The following WDFY3 variants were observed in gnomAD, a reference collection of about 807,000 sequenced individuals.
WDFY3 encodes the protein WD repeat and FYVE domain-containing protein 3.
In WDFY3, 66 loss-of-function variants were observed where a neutral mutation model predicts 409.6. That is an observed-to-expected ratio of 0.16 (90% CI 0.13 to 0.20). The LOEUF (loss-of-function observed/expected upper bound fraction) is 0.20, where lower values mean the gene tolerates loss of function less well. Among genes scored for constraint, WDFY3 ranks in the 10% least tolerant of loss-of-function variants. WDFY3 has a pLI of 1.00. For missense variants in WDFY3, 3,031 were observed against 4,298.1 expected, an observed-to-expected ratio of 0.71 and a Z score of 8.24; for synonymous variants, 1,521 against 1,537.1, an observed-to-expected ratio of 0.99 and a Z score of 0.25.
At chr4:84,695,152 C>T (rs969396844) in intron 58 of WDFY3, among the ~76,000 whole-genome samples, 6 of 151,968 alleles carry the variant, frequency 3.9e-5, no homozygotes, top group Non-Finnish European at 7.4e-5. Context: ...TGCCATACCT[C>T]GGACAATGGG....
At chr4:84,748,983 C>T (rs913847182) in intron 36 of WDFY3, among the ~76,000 whole-genome samples, 2 of 151,908 alleles carry the variant, frequency 1.3e-5, no homozygotes, top group African/African-American at 4.8e-5. Flanking sequence ...CTTTGAACAC[C>T]TGGGCTCAAG....
At chr4:84,931,139 G>C (rs535901422) in intron 2 of WDFY3, among the ~76,000 whole-genome samples, 1 of 152,218 alleles carries the variant, frequency 6.6e-6, no homozygotes, top group South Asian at 2.1e-4. Flanking sequence ...CTTCCACTGG[G>C]GGTCTTGGAA....
In WDFY3 at chr4:84,690,358, A is replaced by G. The variant is rs1190276479; in HGVS notation, c.9363+148T>C. 9 of 1,164,148 alleles carry G rather than the reference A, an allele frequency of 7.7e-6. No individual in the cohort carries two copies. The Admixed American group carries it at 2.6e-4, about 34-fold the overall frequency. The allele number at this position is 1,164,148 out of a possible 1,614,324, so 72.1% of individuals were successfully genotyped here. On this transcript the variant is annotated intron_variant, in intron 61 of 67. Coordinates refer to ENST00000295888, the MANE Select transcript of WDFY3 (RefSeq NM_014991.6). ...TATTCTGATTTCCTTTTTTTTTCAAAAAAGTATTTCTAGCAACAGAACGTC... is the reference window on the plus strand; with the variant it reads ...TATTCTGATTTCCTTTTTTTTTCAAGAAAGTATTTCTAGCAACAGAACGTC...
At chr4:84,876,117 G>A (rs759558314) in intron 3 of WDFY3, among the ~76,000 whole-genome samples, 1 of 152,210 alleles carries the variant, frequency 6.6e-6, no homozygotes, top group Non-Finnish European at 1.5e-5. Flanking sequence ...TAGAAGGCTT[G>A]TTTACACCAG....
At position 84,821,099 on chromosome 4, in the gene WDFY3, C is replaced by T. The variant is rs1753992272; in HGVS notation, c.1576G>A (p.Ala526Thr). The T allele has an allele frequency of 6.2e-7, 1 of 1,608,422 alleles. No homozygotes were observed. The highest frequency in any genetic ancestry group is 8.5e-7 in the Non-Finnish European group (1 of 1,177,804). ...AATACTTTACCTTGTTCATTTAGTG[C>T]CTGAGTTGGATCCTTCAACAGGGCA... ...YAALLKDPTQALNEQGDSRNN... is the reference protein window; with the variant it reads ...YAALLKDPTQTLNEQGDSRNN... The change falls in exon 11 of 68, where the codon GCA (alanine) becomes ACA (threonine). Residue 526 changes from alanine (A) to threonine (T), a missense_variant. Around this residue, in one of 16 missense-constraint regions of WDFY3, gnomAD observed 1,322 missense variants for 1,697.9 expected, o/e 0.78. Transcript: ENST00000295888.
In WDFY3 at chr4:84,671,118, C is replaced by T. The variant is rs1024239208; in HGVS notation, c.*1750G>A. 2 of 152,498 alleles carry T rather than the reference C, an allele frequency of 1.3e-5. No homozygotes were observed. Among genetic ancestry groups the T allele is most frequent in the Non-Finnish European group, 2.9e-5 (2 of 68,008 alleles). The allele number at this position is 152,498 out of a possible 1,614,324, so 9.4% of individuals were successfully genotyped here. A position where few individuals can be genotyped will look rare whatever the true frequency, so the allele number is the denominator to read the frequency against. On this transcript the variant is annotated 3_prime_UTR_variant, in exon 68 of 68. Transcript: ENST00000295888. ...CAGCCTTTCTATTTTCTCTTGGAGACCTAGTTATCATATCAGGAAGAACAA... is the reference window on the plus strand; with the variant it reads ...CAGCCTTTCTATTTTCTCTTGGAGATCTAGTTATCATATCAGGAAGAACAA...
chr4:84,889,200 T>A (rs927600786), intron 3 of WDFY3, among the ~76,000 whole-genome samples: 3 of 152,170 alleles, frequency 2.0e-5, no homozygotes, highest in Non-Finnish European at 1.5e-5. Flanking sequence ...TAAGAGCAAA[T>A]TTTTATTCCC....
chr4:84,723,025 C>T, intron 46 of WDFY3, among the ~76,000 whole-genome samples: 1 of 152,170 alleles, frequency 6.6e-6, no homozygotes, highest in East Asian at 1.9e-4. Context: ...GCGCTTTTAG[C>T]TCAATTAGAG....
At chr4:84,719,742 A>G (rs1433167034) in intron 47 of WDFY3, among the ~76,000 whole-genome samples, 1 of 152,176 alleles carries the variant, frequency 6.6e-6, no homozygotes, top group African/African-American at 2.4e-5. Context: ...TGGCTGGATG[A>G]ATTTTCAAAT....
chr4:84,819,649 C>A (rs1338882319), intron 12 of WDFY3, among the ~76,000 whole-genome samples: 1 of 151,938 alleles, frequency 6.6e-6, no homozygotes, highest in Non-Finnish European at 1.5e-5. Flanking sequence ...AGTTAATTAA[C>A]CTTGGAGAGA....
intron 3 of WDFY3, among the ~76,000 whole-genome samples, chr4:84,872,779 AGAT>A (rs1310013811): frequency 6.6e-6 from 1 of 152,206 alleles, no homozygotes; most frequent in Non-Finnish European, 1.5e-5. Flanking sequence ...AAAGGTAAAG[AGAT>A]GGAGAGAAAT....
intron 3 of WDFY3, among the ~76,000 whole-genome samples, chr4:84,875,847 T>C (rs1345510647): frequency 4.6e-5 from 7 of 152,182 alleles, no homozygotes; most frequent in Non-Finnish European, 7.3e-5. Context: ...TCAGGGACGA[T>C]AACCCATATG....
At chr4:84,707,070 C>T (rs2148971617) in intron 53 of WDFY3, among the ~76,000 whole-genome samples, 1 of 151,848 alleles carries the variant, frequency 6.6e-6, no homozygotes, top group East Asian at 1.9e-4. Context: ...TCCTGAGTGG[C>T]TGGGACTACA....
intron 36 of WDFY3, among the ~76,000 whole-genome samples, chr4:84,748,175 G>A (rs1432793396): frequency 6.6e-6 from 1 of 152,162 alleles, no homozygotes; most frequent in Non-Finnish European, 1.5e-5. Context: ...ATAAACAGGA[G>A]CTAGGAGAAG....
At chr4:84,677,982 A>G (rs965785397) in intron 66 of WDFY3, among the ~76,000 whole-genome samples, 186 bp downstream of exon 66, 9 of 151,470 alleles carry the variant, frequency 5.9e-5, no homozygotes, top group South Asian at 4.2e-4. Context: ...AAAAAAAAAA[A>G]AAAAAGAAAA....
At chr4:84,919,654 T>C (rs1579126879) in intron 2 of WDFY3, among the ~76,000 whole-genome samples, 2 of 152,308 alleles carry the variant, frequency 1.3e-5, no homozygotes, top group East Asian at 1.9e-4. Context: ...AATGGTTTTA[T>C]AAGGGACTTT....
chr4:84,784,885 T>C (rs1370184924), intron 24 of WDFY3, among the ~76,000 whole-genome samples: 20 of 96,068 alleles, frequency 2.1e-4, no homozygotes, highest in South Asian at 7.5e-4. Flanking sequence ...TATATATATA[T>C]ATATATACAC....
intron 42 of WDFY3, among the ~76,000 whole-genome samples, chr4:84,735,714 C>G (rs1737329192): frequency 6.6e-6 from 1 of 152,198 alleles, no homozygotes; most frequent in African/African-American, 2.4e-5. Context: ...AGATCCTTTT[C>G]ATAGCTGCCA....
At chr4:84,922,333 GGAAAA>G (rs1317573401) in intron 2 of WDFY3, among the ~76,000 whole-genome samples, 3 of 152,092 alleles carry the variant, frequency 2.0e-5, no homozygotes, top group Non-Finnish European at 4.4e-5. Context: ...GTTTACAGAA[GGAAAA>G]GAAAACAAAC....
Sources: allele counts gnomAD v4.1 joint callset (sites outside exome capture counted in the v4.1 genomes callset), GRCh38; gene constraint gnomAD v4.1.1; regional missense constraint gnomAD v4.1.1; transcripts MANE v1.5; gene names NCBI Gene and HGNC (gene_info 2026-07-23, HGNC 2026-07-21).